EYA1: variants seen among roughly 807,000 people sequenced by gnomAD.
EYA1 encodes protein phosphatase EYA1.
Under a neutral mutation model 82.0 loss-of-function variants are expected in EYA1, and 16 were observed. The observed-to-expected ratio is 0.20, with a 90% CI of 0.13 to 0.30. The LOEUF is 0.30. EYA1 is among the 10% of genes least tolerant of loss of function. EYA1 has a pLI of 1.00. For missense variants in EYA1, 633 were observed against 730.7 expected (o/e 0.87, Z 1.54); for synonymous variants, 261 against 264.4 (o/e 0.99, Z 0.12).
intron 2 of EYA1, among the ~76,000 whole-genome samples, chr8:71,405,110 G>A (rs1022064057): frequency 6.6e-6 from 1 of 151,800 alleles, no homozygotes; most frequent in Non-Finnish European, 1.5e-5. Flanking sequence ...GTGCCAATAT[G>A]GTATCATATT....
chr8:71,540,745 C>A (rs1449913330), intron 1 of EYA1, among the ~76,000 whole-genome samples: 1 of 152,074 alleles, frequency 6.6e-6, no homozygotes, highest in Non-Finnish European at 1.5e-5. Flanking sequence ...CTTGTGGCTC[C>A]TTGGATGAAA....
At chr8:71,213,591 A>G (rs1220734848) in intron 16 of EYA1, among the ~76,000 whole-genome samples, 1 of 152,190 alleles carries the variant, frequency 6.6e-6, no homozygotes, top group African/African-American at 2.4e-5. Flanking sequence ...GATATTTTCC[A>G]ACAATTTGTT....
At chr8:71,486,345 T>C (rs981905384) in intron 2 of EYA1, among the ~76,000 whole-genome samples, 2 of 152,178 alleles carry the variant, frequency 1.3e-5, no homozygotes, top group African/African-American at 4.8e-5. Flanking sequence ...TCGACTCTAC[T>C]GGAAAGAGAA....
At chr8:71,406,807 G>T (rs111346387) in intron 2 of EYA1, among the ~76,000 whole-genome samples, 6 of 146,558 alleles carry the variant, frequency 4.1e-5, no homozygotes, top group Non-Finnish European at 9.1e-5. Flanking sequence ...AGGGGCGCCC[G>T]CCATTGCCCA....
At chr8:71,363,587 G>A (rs985803234), upstream of EYA1, among the ~76,000 whole-genome samples, 3 of 152,206 alleles carry the variant, frequency 2.0e-5, no homozygotes, top group Non-Finnish European at 2.9e-5. Context: ...ATAGAATTAT[G>A]TTACCACCTA....
At chr8:71,447,816 T>G (rs916311057) in intron 2 of EYA1, among the ~76,000 whole-genome samples, 4 of 152,180 alleles carry the variant, frequency 2.6e-5, no homozygotes, top group African/African-American at 9.7e-5. Context: ...TATCTGATCA[T>G]TCAGCAAGTC....
chr8:71,518,865 C>G (rs1813180227), intron 2 of EYA1, among the ~76,000 whole-genome samples: 2 of 152,024 alleles, frequency 1.3e-5, no homozygotes, highest in Non-Finnish European at 2.9e-5. Context: ...AATAAAAAAC[C>G]TAAGTTCATA....
intron 12 of EYA1, among the ~76,000 whole-genome samples, chr8:71,218,090 T>C (rs1308944818): frequency 6.6e-6 from 1 of 152,214 alleles, no homozygotes; most frequent in Non-Finnish European, 1.5e-5. Flanking sequence ...AGGCTCCAAA[T>C]ACCCCAGAGG....
intron 4 of EYA1, among the ~76,000 whole-genome samples, chr8:71,328,499 C>A (rs1204708201): frequency 6.6e-6 from 1 of 152,166 alleles, no homozygotes; most frequent in South Asian, 2.1e-4. Flanking sequence ...CACCACCTAC[C>A]CCTTCACCTT....
intron 17 of EYA1, among the ~76,000 whole-genome samples, chr8:71,208,747 T>C (rs1254035497): frequency 1.3e-5 from 2 of 150,440 alleles, no homozygotes; most frequent in African/African-American, 4.9e-5. Context: ...GAAAAAAAAA[T>C]CTTAACTGCT....
At chr8:71,317,782 A>C in intron 6 of EYA1, 93 bp from the exon 7 acceptor site, 1 of 1,173,814 alleles carries the variant, frequency 8.5e-7, no homozygotes, top group Non-Finnish European at 1.3e-6. Context: ...TTAACTACAA[A>C]TGCTTCCCCA....
At chr8:71,371,730 A>G (rs1056861970) in intron 2 of EYA1, among the ~76,000 whole-genome samples, 3 of 152,184 alleles carry the variant, frequency 2.0e-5, no homozygotes. Context: ...TCCCATTAAT[A>G]TGAACAGAGA....
intron 12 of EYA1, among the ~76,000 whole-genome samples, chr8:71,219,411 C>T (rs1809610582): frequency 1.3e-5 from 2 of 152,000 alleles, no homozygotes; most frequent in Non-Finnish European, 2.9e-5. Flanking sequence ...TAAGGGGCCT[C>T]ATCAGCACCT....
chr8:71,203,231 G>C (rs978632350), intron 17 of EYA1, among the ~76,000 whole-genome samples: 1 of 152,112 alleles, frequency 6.6e-6, no homozygotes, highest in Non-Finnish European at 1.5e-5. Flanking sequence ...ACTCAGGGTT[G>C]CTTCTAGGTC....
intron 9 of EYA1, among the ~76,000 whole-genome samples, chr8:71,297,095 C>A (rs61302273): frequency 0.14 from 20,622 of 152,082 alleles, 1,931 homozygotes; most frequent in East Asian, 0.43. Context: ...CGGTTCAACT[C>A]ATTCCTATTC....
At chr8:71,249,595 A>T (rs1314897871) in intron 11 of EYA1, among the ~76,000 whole-genome samples, 1 of 152,104 alleles carries the variant, frequency 6.6e-6, no homozygotes, top group East Asian at 1.9e-4. Flanking sequence ...CTACAATTCA[A>T]AATGAGATTT....
intron 11 of EYA1, among the ~76,000 whole-genome samples, chr8:71,251,705 T>C (rs1343656590): frequency 6.6e-6 from 1 of 152,194 alleles, no homozygotes; most frequent in Admixed American, 6.5e-5. Context: ...TCTTTAATTA[T>C]CCCATTGCCT....
chr8:71,259,661 C>T (rs954857424), intron 11 of EYA1, among the ~76,000 whole-genome samples: 2 of 152,092 alleles, frequency 1.3e-5, no homozygotes, highest in African/African-American at 2.4e-5. Context: ...CTTCTTGACC[C>T]GTTTTTATTT....
chr8:71,286,273 T>C (rs1010259940), intron 9 of EYA1, among the ~76,000 whole-genome samples: 13 of 152,336 alleles, frequency 8.5e-5, no homozygotes, highest in African/African-American at 2.6e-4. Context: ...CACTGAGGAA[T>C]GCTACGGAAT....
Sources: gnomAD v4.1 joint callset for allele counts (sites outside exome capture counted in the v4.1 genomes callset) on GRCh38, gnomAD v4.1.1 for gene constraint, MANE v1.5 for transcripts, NCBI Gene and HGNC (gene_info 2026-07-23, HGNC 2026-07-21) for gene names.